Variants in CLCN3 observed in about 807,000 individuals in gnomAD.
The protein encoded by CLCN3 is Cl-/H+ antiporter 3.
In CLCN3, 16 loss-of-function variants were observed where a neutral mutation model predicts 83.4. The observed-to-expected ratio is 0.19, with a 90% confidence interval of 0.13 to 0.29. The LOEUF is 0.29. Ranked by LOEUF, CLCN3 falls within the 10% of genes least tolerant of loss-of-function variation. CLCN3 has a pLI of 1.00. For missense variants in CLCN3, 544 were observed against 1,006.0 expected, an observed-to-expected ratio of 0.54 and a Z score of 6.21; for synonymous variants, 322 against 346.2, an observed-to-expected ratio of 0.93 and a Z score of 0.78.
At chr4:169,690,415 G>C in intron 5 of CLCN3, 115 bp from the exon 6 acceptor site, 1 of 1,069,272 alleles carries the variant, frequency 9.4e-7, no homozygotes. Flanking sequence ...CCAGTGCTGG[G>C]ATTACAGGCG....
At chr4:169,635,890 A>C (rs1243805653) in intron 1 of CLCN3, 23 bp from the exon 2 acceptor site, 2 of 1,503,858 alleles carry the variant, frequency 1.3e-6, no homozygotes, top group Non-Finnish European at 1.8e-6. Context: ...AAAAATGTTA[A>C]AACTACTTTT....
chr4:169,706,023 G>T (rs1297938927), intron 10 of CLCN3, among the ~76,000 whole-genome samples: 1 of 151,494 alleles, frequency 6.6e-6, no homozygotes, highest in Non-Finnish European at 1.5e-5. Context: ...AGTAAAAAAG[G>T]AATAAAGTCA....
At chr4:169,650,304 G>A (rs888467282) in intron 2 of CLCN3, among the ~76,000 whole-genome samples, 6 of 152,176 alleles carry the variant, frequency 3.9e-5, no homozygotes, top group African/African-American at 1.4e-4. Context: ...ATTTCCAACA[G>A]TATAAAGTTG....
chr4:169,674,641 C>T (rs1731607437), intron 2 of CLCN3, among the ~76,000 whole-genome samples: 2 of 152,102 alleles, frequency 1.3e-5, no homozygotes, highest in Non-Finnish European at 2.9e-5. Context: ...GCCTTTAAAC[C>T]TTTGGCCAAG....
intron 3 of CLCN3, among the ~76,000 whole-genome samples, chr4:169,687,146 A>G (rs537035577): frequency 1.2e-3 from 189 of 152,338 alleles, no homozygotes; most frequent in South Asian, 7.2e-3. Context: ...AATTCAAACC[A>G]TATTGTCTTA....
At chr4:169,690,711 T>C in intron 6 of CLCN3, 59 bp downstream of exon 6, 1 of 1,501,860 alleles carries the variant, frequency 6.7e-7, no homozygotes, top group Non-Finnish European at 9.0e-7. Flanking sequence ...CTTTTTGACC[T>C]TAGTGATAAT....
At chr4:169,637,504 A>C (rs975325667) in intron 2 of CLCN3, among the ~76,000 whole-genome samples, 3 of 152,154 alleles carry the variant, frequency 2.0e-5, no homozygotes, top group Admixed American at 2.0e-4. Context: ...AAAATGGAAA[A>C]GAAAAAAAAT....
chr4:169,699,299 T>C (rs1013660090), intron 9 of CLCN3, among the ~76,000 whole-genome samples: 1 of 152,206 alleles, frequency 6.6e-6, no homozygotes, highest in Non-Finnish European at 1.5e-5. Context: ...TCTTTTGGAT[T>C]TATAAAATAA....
At chr4:169,637,270 T>C (rs1432351900) in intron 2 of CLCN3, among the ~76,000 whole-genome samples, 1 of 144,316 alleles carries the variant, frequency 6.9e-6, no homozygotes, top group Non-Finnish European at 1.5e-5. Context: ...TGCAGTTATC[T>C]TCTCTCATTC....
intron 2 of CLCN3, among the ~76,000 whole-genome samples, chr4:169,650,103 T>C (rs958937690): frequency 6.6e-6 from 1 of 150,974 alleles, no homozygotes; most frequent in South Asian, 2.1e-4. Flanking sequence ...AAAAAAAAAA[T>C]GAGTGGTGGA....
intron 2 of CLCN3, among the ~76,000 whole-genome samples, chr4:169,646,907 T>C (rs1464273567): frequency 6.6e-6 from 1 of 152,186 alleles, no homozygotes; most frequent in Non-Finnish European, 1.5e-5. Flanking sequence ...CAGATTAGTT[T>C]TGGAAACAAA....
intron 2 of CLCN3, among the ~76,000 whole-genome samples, chr4:169,667,769 T>C (rs1478045737): frequency 2.0e-5 from 3 of 150,536 alleles, no homozygotes; most frequent in Non-Finnish European, 4.5e-5. Flanking sequence ...TTTTTTGAGA[T>C]GGATCTCGCT....
At chr4:169,676,425 C>T (rs1249830333) in intron 2 of CLCN3, among the ~76,000 whole-genome samples, 2 of 151,946 alleles carry the variant, frequency 1.3e-5, no homozygotes, top group African/African-American at 2.4e-5. Flanking sequence ...TATCTCTTTA[C>T]TTCCACTCTC....
intron 2 of CLCN3, among the ~76,000 whole-genome samples, chr4:169,650,859 G>A (rs965135805): frequency 1.3e-5 from 2 of 152,120 alleles, no homozygotes; most frequent in Admixed American, 1.3e-4. Context: ...ACTTATATGA[G>A]GGAGTAGGAG....
chr4:169,688,491 G>A (rs570512065), intron 4 of CLCN3, among the ~76,000 whole-genome samples: 1 of 152,254 alleles, frequency 6.6e-6, no homozygotes, highest in South Asian at 2.1e-4. Flanking sequence ...GGCATGCATA[G>A]TAATTTTATG....
In CLCN3 at chr4:169,641,557, T is replaced by C. The variant is rs527376943; in HGVS notation, c.160+5469T>C. On this transcript the variant is annotated intron_variant, in intron 2 of 12. Coordinates refer to ENST00000513761, the MANE Select transcript of CLCN3 (RefSeq NM_001829.4). The stretch of plus-strand genomic sequence containing the variant: ...AGAGATTCCAGTATTTTCATTCAAA[T>C]ATCTATTGTTAGATTGAGCTTTATT... Among the ~76,000 whole-genome samples, 3 of 152,346 alleles carry C rather than the reference T, an allele frequency of 2.0e-5. No individual in the cohort carries two copies. In the South Asian group the frequency reaches 6.2e-4, roughly 32 times the overall value.
intron 12 of CLCN3, among the ~76,000 whole-genome samples, chr4:169,714,286 G>GT (rs200183020): frequency 0.1 from 14,656 of 144,380 alleles, 830 homozygotes; most frequent in East Asian, 0.18. Flanking sequence ...GTTTTTTGTT[G>GT]TTTTTTTTTT....
At position 169,670,231 on chromosome 4, in the gene CLCN3, T is replaced by G. The variant is rs183703579; in HGVS notation, c.161-9819T>G. Among the ~76,000 whole-genome samples, 6 of 152,370 alleles carry G rather than the reference T, an allele frequency of 3.9e-5. No individual in the cohort carries two copies. The East Asian group carries it at 7.7e-4, about 20-fold the overall frequency. ...GTCCTGAATGGTATTGCCTAGGTTTTCATGGTTTTGGGTTTTACATTTAAG... is the reference window on the plus strand; with the variant it reads ...GTCCTGAATGGTATTGCCTAGGTTTGCATGGTTTTGGGTTTTACATTTAAG... On this transcript the variant is annotated intron_variant, in intron 2 of 12. Transcript: ENST00000513761.
chr4:169,620,897 T>G lies in CLCN3; in HGVS notation c.-183T>G. 2.5e-6 allele frequency: 1 copy of G among 398,590 alleles called. No homozygotes were observed. Among genetic ancestry groups the G allele is most frequent in the Admixed American group, 4.4e-5 (1 of 22,732 alleles). The allele number at this position is 398,590 out of a possible 1,614,324, so 24.7% of individuals were successfully genotyped here. ...CACCGGGCAAAATTTTCGTAACCTCTGCGGTAGAAAACGTCAGGTATCTTT... is the reference window on the plus strand; with the variant it reads ...CACCGGGCAAAATTTTCGTAACCTCGGCGGTAGAAAACGTCAGGTATCTTT... On this transcript the variant is annotated 5_prime_UTR_variant, in exon 1 of 13. Coordinates refer to ENST00000513761, the MANE Select transcript of CLCN3 (RefSeq NM_001829.4).
Sources: allele counts gnomAD v4.1 joint callset (sites outside exome capture counted in the v4.1 genomes callset), GRCh38; gene constraint gnomAD v4.1.1; transcripts MANE v1.5; gene names NCBI Gene and HGNC (gene_info 2026-07-23, HGNC 2026-07-21).